Variants in CTSA observed in about 807,000 individuals in gnomAD.
CTSA encodes the protein cathepsin A, also known as lysosomal protective protein.
CTSA carries 42 observed loss-of-function variants against 66.7 expected under a neutral mutation model. The ratio of observed to expected loss-of-function variants is 0.63; its 90% confidence interval spans 0.49 to 0.81. CTSA has a LOEUF of 0.81. CTSA is among the 40% of genes least tolerant of loss of function. The pLI is 0.00. For missense variants in CTSA, 525 were observed against 610.9 expected, an observed-to-expected ratio of 0.86 and a Z score of 1.48; for synonymous variants, 225 against 248.6, an observed-to-expected ratio of 0.91 and a Z score of 0.89.
At chr20:45,895,605 G>T (rs375092129) in intron 11 of CTSA, among the ~76,000 whole-genome samples, 1 of 151,506 alleles carries the variant, frequency 6.6e-6, no homozygotes, top group Non-Finnish European at 1.5e-5. Flanking sequence ...GAGCCACCCC[G>T]CCCAGCCCCA....
At position 45,898,779 on chromosome 20, in the gene CTSA, T is replaced by C. The variant is rs536227967; in HGVS notation, c.*329T>C. The C allele has an allele frequency of 9.7e-5, 82 of 847,344 alleles. No homozygotes were observed. In the African/African-American group the frequency reaches 1.3e-3, roughly 13 times the overall value. The allele number at this position is 847,344 out of a possible 1,614,324, so 52.5% of individuals were successfully genotyped here. On this transcript the variant is annotated 3_prime_UTR_variant, in exon 15 of 15. Transcript: ENST00000646241. The surrounding 1 kb of genome is among the most constrained non-coding windows in gnomAD (Gnocchi z 4.6). Reference sequence around the variant, plus strand: ...CAGGGAGGTGGTGGACGGACTGTAATTGATAGATTGATTATGGAATTAAAT... The same window carrying C: ...CAGGGAGGTGGTGGACGGACTGTAACTGATAGATTGATTATGGAATTAAAT...
In CTSA at chr20:45,898,524, G is replaced by A; in HGVS notation, c.*74G>A. 6.9e-7 allele frequency: 1 copy of A among 1,439,590 alleles called. No individual in the cohort carries two copies. The highest frequency in any genetic ancestry group is 9.7e-7 in the Non-Finnish European group (1 of 1,033,824). The allele number at this position is 1,439,590 out of a possible 1,614,324, so 89.2% of individuals were successfully genotyped here. ...TCCCGCTAGGAGAGTCCTCTTCTAA[G>A]CAAAGTGCCCCTGCAGGCCGGGTTC... On this transcript the variant is annotated 3_prime_UTR_variant, in exon 15 of 15. Coordinates refer to ENST00000646241, the MANE Select transcript of CTSA (RefSeq NM_000308.4). The surrounding 1 kb of genome is among the most constrained non-coding windows in gnomAD (Gnocchi z 4.6).
chr20:45,892,955 G>C, intron 6 of CTSA, 75 bp downstream of exon 6: 1 of 1,547,488 alleles, frequency 6.5e-7, no homozygotes, highest in Non-Finnish European at 8.8e-7. Flanking sequence ...CAGACTGACT[G>C]GTCAATGTCC....
intron 3 of CTSA, 101 bp downstream of exon 3, chr20:45,892,128 G>A: frequency 1.4e-6 from 2 of 1,446,828 alleles, no homozygotes; most frequent in Non-Finnish European, 9.7e-7. Context: ...TTCCTTCTAA[G>A]CCTCGGGATT....
intron 6 of CTSA, 169 bp from the exon 7 acceptor site, chr20:45,893,051 G>A: frequency 1.1e-6 from 1 of 943,314 alleles, no homozygotes; most frequent in Non-Finnish European, 1.7e-6. Flanking sequence ...AAACTCACCT[G>A]TCAGGCTGCC....
chr20:45,892,485 G>A lies in CTSA; in HGVS notation c.444+1G>A. The stretch of plus-strand genomic sequence containing the variant: ...GTTTTATGCAACTAATGACACTGAG[G>A]TGAGTCTGGTGCCTGCCCATCTGCC... On this transcript the variant is annotated splice_donor_variant, in intron 5 of 14. Transcript: ENST00000646241. LOFTEE classifies it high-confidence loss of function. 2 of 1,613,964 alleles carry A rather than the reference G, an allele frequency of 1.2e-6. No individual in the cohort carries two copies. The highest frequency in any genetic ancestry group is 1.7e-4 in the Middle Eastern group (1 of 6,050).
At position 45,892,300 on chromosome 20, in the gene CTSA, T is replaced by C. The variant is rs778617110; in HGVS notation, c.334T>C (p.Tyr112His). The C allele has an allele frequency of 6.2e-7, 1 of 1,614,096 alleles. No individual in the cohort carries two copies. Among genetic ancestry groups the C allele is most frequent in the Non-Finnish European group, 8.5e-7 (1 of 1,180,026 alleles). Residue 112 changes from tyrosine (Y) to histidine (H), a missense_variant, in exon 4 of 15, where the codon TAC becomes CAC. Physicochemically the swap from Tyr to His is moderately conservative, Grantham distance 83 (BLOSUM62 2). Around this residue, in one of 3 missense-constraint regions of CTSA, gnomAD observed 246 missense variants for 267.4 expected, o/e 0.92. Coordinates refer to ENST00000646241, the MANE Select transcript of CTSA (RefSeq NM_000308.4). ...CCAGCCAGATGGTGTCACCCTGGAG[T>C]ACAACCCCTATTCTTGGAATCTGGT... Reference protein sequence around the residue: ...LVQPDGVTLEYNPYSWNLIAN... With the variant: ...LVQPDGVTLEHNPYSWNLIAN...
chr20:45,896,370 C>T (rs1322560905), intron 11 of CTSA: 3 of 188,192 alleles, frequency 1.6e-5, no homozygotes, highest in Non-Finnish European at 3.4e-5. Context: ...CTGCTGGCCC[C>T]TAGACACTAA....
intron 13 of CTSA, 55 bp downstream of exon 13, chr20:45,897,861 G>A (rs1242644727): frequency 8.7e-6 from 13 of 1,500,240 alleles, no homozygotes; most frequent in Middle Eastern, 1.7e-4. Flanking sequence ...GATTGGGAGC[G>A]GGTATGCCTG....
Position 45,892,753 on chromosome 20 carries a change from A to G in CTSA, c.473A>G (p.Gln158Arg). Residue 158 changes from glutamine to arginine, a missense_variant, in exon 6 of 15, where the codon CAA (glutamine) becomes CGA (arginine). This residue lies in a region of CTSA where 246 missense variants were observed against 267.4 expected (regional missense o/e 0.92). Transcript: ENST00000646241. ...EVAQSNFEAL[Q>R]DFFRLFPEYK... ...GCCCAGAGCAATTTTGAGGCCCTTC[A>G]AGATTTCTTCCGCCTCTTTCCGGAG... The G allele has an allele frequency of 6.2e-7, 1 of 1,614,162 alleles. No homozygotes were observed.
At position 45,897,012 on chromosome 20, in the gene CTSA, C is replaced by T; in HGVS notation, c.1136C>T (p.Ser379Phe). 1 of 1,614,038 alleles carries T rather than the reference C, an allele frequency of 6.2e-7. No homozygotes were observed. The highest frequency in any genetic ancestry group is 8.5e-7 in the Non-Finnish European group (1 of 1,179,960). The change falls in exon 12 of 15, where the codon TCC becomes TTC. Residue 379 changes from serine (S) to phenylalanine (F), a missense_variant. By Grantham distance (155) the Ser-to-Phe change is radical. Transcript: ENST00000646241. ...QYRRLYRSMN[S>F]QYLKLLSSQK... is the part of the protein sequence containing the mutation. ...CGCCGTCTCTACCGAAGCATGAACT[C>T]CCAGTATCTGAAGCTGCTTAGCTCA...
intron 6 of CTSA, 151 bp from the exon 7 acceptor site, chr20:45,893,068 GT>G: frequency 1.1e-6 from 1 of 930,012 alleles, no homozygotes; most frequent in Non-Finnish European, 1.7e-6. Context: ...TGCCAGCTCT[GT>G]GTTTTGCATT....
At position 45,898,438 on chromosome 20, in the gene CTSA, G is replaced by A; in HGVS notation, c.1431G>A (p.Lys477=). 1 of 1,613,848 alleles carries A rather than the reference G, an allele frequency of 6.2e-7. No homozygotes were observed. Reference sequence around the variant, plus strand: ...CCATGTTCTCCCGCTTCCTGAACAAGCAGCCATACTGATGACCACAGCAAC... The same window carrying A: ...CCATGTTCTCCCGCTTCCTGAACAAACAGCCATACTGATGACCACAGCAAC... ...AFTMFSRFLN[K]QPY Residue 477 remains lysine, a synonymous_variant, in exon 15 of 15, where the codon AAG becomes AAA. Coordinates refer to ENST00000646241, the MANE Select transcript of CTSA (RefSeq NM_000308.4). The surrounding 1 kb of genome is among the most constrained non-coding windows in gnomAD (Gnocchi z 4.6).
intron 11 of CTSA, 194 bp downstream of exon 11, chr20:45,895,327 A>AT: frequency 1.4e-6 from 1 of 694,176 alleles, no homozygotes; most frequent in Non-Finnish European, 2.3e-6. Context: ...TAAATTTAAA[A>AT]TTTTTTTGTT....
At position 45,891,450 on chromosome 20, in the gene CTSA, G is replaced by T; in HGVS notation, c.-1+71G>T. On this transcript the variant is annotated intron_variant, in intron 1 of 14. Coordinates refer to ENST00000646241, the MANE Select transcript of CTSA (RefSeq NM_000308.4). This position sits in a 1 kb window ranked among gnomAD's most constrained non-coding sequence, Gnocchi z 4.6. Reference sequence around the variant, plus strand: ...GGTGCGCGGCAGAGGAGGCTCGCGGGTGGGAGCTGGCGCTGGGGCCGGGGC... The same window carrying T: ...GGTGCGCGGCAGAGGAGGCTCGCGGTTGGGAGCTGGCGCTGGGGCCGGGGC... 1 of 1,546,398 alleles carries T rather than the reference G, an allele frequency of 6.5e-7. No individual in the cohort carries two copies.
chr20:45,893,257 A>T lies in CTSA; in HGVS notation c.638A>T (p.Gln213Leu). ...AVGNGLSSYEQNDNSLVYFAY... is the reference protein window; with the variant it reads ...AVGNGLSSYELNDNSLVYFAY... ...GGCAATGGACTCTCCTCCTATGAGC[A>T]GAATGACAACTCCCTGGTCTACTTT... is the stretch of plus-strand genomic sequence containing the variant. Residue 213 changes from glutamine to leucine, a missense_variant, in exon 7 of 15, where the codon CAG becomes CTG. This residue lies in a region of CTSA where 246 missense variants were observed against 267.4 expected (regional missense o/e 0.92). Coordinates refer to ENST00000646241, the MANE Select transcript of CTSA (RefSeq NM_000308.4). 5 of 1,614,182 alleles carry T rather than the reference A, an allele frequency of 3.1e-6. No individual in the cohort carries two copies. Among genetic ancestry groups the T allele is most frequent in the Non-Finnish European group, 4.2e-6 (5 of 1,180,032 alleles).
Position 45,898,537 on chromosome 20 carries a change from G to A in CTSA, c.*87G>A. 1 of 1,336,674 alleles carries A rather than the reference G, an allele frequency of 7.5e-7. No individual in the cohort carries two copies. Among genetic ancestry groups the A allele is most frequent in the Non-Finnish European group, 1.1e-6 (1 of 950,610 alleles). The allele number at this position is 1,336,674 out of a possible 1,614,324, so 82.8% of individuals were successfully genotyped here. ...GTCCTCTTCTAAGCAAAGTGCCCCT[G>A]CAGGCCGGGTTCTGCCGCCAGGACT... On this transcript the variant is annotated 3_prime_UTR_variant, in exon 15 of 15. Transcript: ENST00000646241. The surrounding 1 kb of genome is among the most constrained non-coding windows in gnomAD (Gnocchi z 4.6).
chr20:45,898,369 C>T lies in CTSA; in HGVS notation c.1362C>T (p.Gly454=), dbSNP rs764678474. 1.1e-5 allele frequency: 18 copies of T among 1,613,380 alleles called. No homozygotes were observed. The highest frequency in any genetic ancestry group is 1.4e-5 in the Non-Finnish European group (17 of 1,179,720). The change falls in exon 15 of 15, where the codon GGC becomes GGT. Residue 454 remains glycine, a splice_region_variant and synonymous_variant. Transcript: ENST00000646241. The surrounding 1 kb of genome is among the most constrained non-coding windows in gnomAD (Gnocchi z 4.6). ...FSHIAFLTIK[G]AGHMVPTDKP... Reference sequence around the variant, plus strand: ...AGCTCACGAACATTGCTCCTCAGGGCGCCGGCCACATGGTTCCCACCGACA... The same window carrying T: ...AGCTCACGAACATTGCTCCTCAGGGTGCCGGCCACATGGTTCCCACCGACA...
At chr20:45,897,639 G>A (rs762822441) in intron 12 of CTSA, 78 bp from the exon 13 acceptor site, 372 of 872,318 alleles carry the variant, frequency 4.3e-4, no homozygotes, top group Non-Finnish European at 6.8e-4. Context: ...AATTTCCTGA[G>A]GGGTAGGCCT....
Sources: allele counts gnomAD v4.1 joint callset (sites outside exome capture counted in the v4.1 genomes callset), GRCh38; gene constraint gnomAD v4.1.1; regional missense constraint gnomAD v4.1.1; non-coding constraint Gnocchi (gnomAD v3.1); transcripts MANE v1.5; gene names NCBI Gene and HGNC (gene_info 2026-07-23, HGNC 2026-07-21).